The following KCNJ6 variants were observed in gnomAD, a reference collection of about 807,000 sequenced individuals.
KCNJ6 encodes the protein potassium inwardly rectifying channel subfamily J member 6.
Under a neutral mutation model 34.2 loss-of-function variants are expected in KCNJ6, and 9 were observed. The ratio of observed to expected loss-of-function variants is 0.26; its 90% CI spans 0.16 to 0.46. KCNJ6 has a LOEUF of 0.46. KCNJ6 is among the 20% of genes least tolerant of loss of function. The pLI is 1.00. For missense variants in KCNJ6, 236 were observed against 531.3 expected (o/e 0.44, Z 5.46); for synonymous variants, 196 against 207.1 (o/e 0.95, Z 0.46).
At chr21:37,633,922 T>C (rs983007564) in intron 3 of KCNJ6, among the ~76,000 whole-genome samples, 6 of 95,236 alleles carry the variant, frequency 6.3e-5, no homozygotes, top group African/African-American at 1.4e-4. Context: ...AAAACATTCT[T>C]AAAGTCAAAA....
intron 2 of KCNJ6, among the ~76,000 whole-genome samples, chr21:37,815,963 G>T (rs1414419285): frequency 6.6e-6 from 1 of 152,218 alleles, no homozygotes; most frequent in Admixed American, 6.5e-5. Context: ...CAGTAGAGGG[G>T]CAGGGTGTCT....
intron 3 of KCNJ6, among the ~76,000 whole-genome samples, chr21:37,668,921 G>A (rs1274787191): frequency 3.3e-5 from 5 of 152,112 alleles, no homozygotes; most frequent in Non-Finnish European, 7.4e-5. Flanking sequence ...TGCAAAATTT[G>A]CATCTGTAAG....
At chr21:37,710,265 G>A (rs2054744458) in intron 3 of KCNJ6, among the ~76,000 whole-genome samples, 1 of 152,186 alleles carries the variant, frequency 6.6e-6, no homozygotes, top group African/African-American at 2.4e-5. Context: ...TATTTTAGGT[G>A]TCATAATGGT....
At chr21:37,750,283 A>C (rs886086429) in intron 2 of KCNJ6, among the ~76,000 whole-genome samples, 1 of 152,260 alleles carries the variant, frequency 6.6e-6, no homozygotes, top group African/African-American at 2.4e-5. Flanking sequence ...TGTTGGTGGC[A>C]GTGTAAATTA....
chr21:37,889,239 T>G (rs544304697), intron 1 of KCNJ6, among the ~76,000 whole-genome samples: 1 of 152,336 alleles, frequency 6.6e-6, no homozygotes, highest in South Asian at 2.1e-4. Flanking sequence ...AGGTTCTACC[T>G]CTGGATGTTT....
chr21:37,875,489 G>A (rs555277484), intron 1 of KCNJ6, among the ~76,000 whole-genome samples: 7 of 152,256 alleles, frequency 4.6e-5, no homozygotes, highest in Admixed American at 3.9e-4. Context: ...AATCTTCCTG[G>A]GGGCCAGGTC....
At chr21:37,856,251 C>G (rs1181120093) in intron 1 of KCNJ6, among the ~76,000 whole-genome samples, 1 of 152,194 alleles carries the variant, frequency 6.6e-6, no homozygotes, top group African/African-American at 2.4e-5. Context: ...GTGGCATTTG[C>G]TGGGCCACAT....
At chr21:37,793,143 C>A (rs2055224714) in intron 2 of KCNJ6, among the ~76,000 whole-genome samples, 2 of 152,192 alleles carry the variant, frequency 1.3e-5, no homozygotes. Flanking sequence ...GTTAGAAAAT[C>A]TTCATGGTTG....
chr21:37,846,169 C>T (rs1429026086), intron 1 of KCNJ6, among the ~76,000 whole-genome samples: 1 of 152,164 alleles, frequency 6.6e-6, no homozygotes, highest in Admixed American at 6.5e-5. Flanking sequence ...GGCTCAGCAA[C>T]TTGCTTGTGG....
At position 37,640,321 on chromosome 21, in the gene KCNJ6, A is replaced by T. The variant is rs376144057; in HGVS notation, c.947-14837T>A. 4.0e-4 allele frequency among the ~76,000 whole-genome samples: 61 copies of T among 152,192 alleles called. 1 individual carries two copies. The highest frequency in any genetic ancestry group is 1.4e-3 in the African/African-American group (60 of 41,436). On this transcript the variant is annotated intron_variant, in intron 3 of 3. Transcript: ENST00000609713. ...CTTGGCTGCTTGGAATGGCTGTGGG[A>T]CCTAGGACAGGCTACTTCACCTCTC...
intron 2 of KCNJ6, among the ~76,000 whole-genome samples, chr21:37,716,024 G>C (rs1228134746): frequency 6.6e-6 from 1 of 152,138 alleles, no homozygotes; most frequent in Non-Finnish European, 1.5e-5. Context: ...GTTGTTATAA[G>C]GTTAAACAAA....
chr21:37,643,518 G>A (rs577701468), intron 3 of KCNJ6, among the ~76,000 whole-genome samples: 72 of 152,332 alleles, frequency 4.7e-4, no homozygotes, highest in African/African-American at 1.7e-3. Flanking sequence ...CTGAAGAATG[G>A]GCAAGGGGTG....
rs1298619228 is a variant in KCNJ6, at chr21:37,685,508, C to T, written c.946+28703G>A. Among the ~76,000 whole-genome samples the T allele has an allele frequency of 6.6e-4, 18 of 27,394 alleles. 1 individual carries two copies. The highest frequency in any genetic ancestry group is 1.5e-3 in the Non-Finnish European group (13 of 8,846). The allele number at this position is 27,394 out of a possible 152,430, so 18.0% of individuals were successfully genotyped here. A position where few individuals can be genotyped will look rare whatever the true frequency, so the allele number is the denominator to read the frequency against. ...CATCCTGGCTAACATGGTGAAACCCCGCCTCTACTAAAAATACAAAAAATT... is the reference window on the plus strand; with the variant it reads ...CATCCTGGCTAACATGGTGAAACCCTGCCTCTACTAAAAATACAAAAAATT... On this transcript the variant is annotated intron_variant, in intron 3 of 3. Transcript: ENST00000609713.
At chr21:37,773,161 T>G (rs1271951842) in intron 2 of KCNJ6, among the ~76,000 whole-genome samples, 3 of 152,184 alleles carry the variant, frequency 2.0e-5, no homozygotes, top group Non-Finnish European at 4.4e-5. Context: ...TCCACTGTTT[T>G]CTTGAACTCA....
intron 1 of KCNJ6, among the ~76,000 whole-genome samples, chr21:37,907,775 T>A (rs1487539741): frequency 6.6e-6 from 1 of 152,200 alleles, no homozygotes; most frequent in Non-Finnish European, 1.5e-5. Flanking sequence ...CTCCCCCACA[T>A]ATTCTCCAGG....
chr21:37,735,309 A>G lies in KCNJ6; in HGVS notation c.26-20178T>C, dbSNP rs544794535. Among the ~76,000 whole-genome samples, 818 of 152,302 alleles carry G rather than the reference A, an allele frequency of 5.4e-3. 4 individuals are homozygous for G. The highest frequency in any genetic ancestry group is 8.2e-3 in the Non-Finnish European group (559 of 68,016). ...TAGAATCCTATCACCAGAAACGGGG[A>G]CAGCCTGAGGCTGGGATTACCTACA... is the stretch of plus-strand genomic sequence containing the variant. On this transcript the variant is annotated intron_variant, in intron 2 of 3. Transcript: ENST00000609713.
intron 1 of KCNJ6, among the ~76,000 whole-genome samples, chr21:37,846,083 G>C (rs1203978814): frequency 6.6e-6 from 1 of 152,064 alleles, no homozygotes; most frequent in Non-Finnish European, 1.5e-5. Flanking sequence ...GTAGAGCATT[G>C]ACTTTCAGGG....
chr21:37,900,078 T>C (rs1188688853), intron 1 of KCNJ6, among the ~76,000 whole-genome samples: 1 of 152,210 alleles, frequency 6.6e-6, no homozygotes, highest in Non-Finnish European at 1.5e-5. Context: ...TAGGAAATGT[T>C]AGAATGTAAA....
At chr21:37,815,080 T>C (rs985953051) in intron 2 of KCNJ6, among the ~76,000 whole-genome samples, 1 of 151,680 alleles carries the variant, frequency 6.6e-6, no homozygotes, top group African/African-American at 2.4e-5. Context: ...ATTGATCTCA[T>C]GGAGATAGAG....
Sources: gnomAD v4.1 joint callset for allele counts (sites outside exome capture counted in the v4.1 genomes callset) on GRCh38, gnomAD v4.1.1 for gene constraint, MANE v1.5 for transcripts, NCBI Gene and HGNC (gene_info 2026-07-23, HGNC 2026-07-21) for gene names.